Variants in ASCC3 observed in about 807,000 individuals in gnomAD.
ASCC3 encodes the protein activating signal cointegrator 1 complex subunit 3.
In ASCC3, 158 loss-of-function variants were observed where a neutral mutation model predicts 256.3. The ratio of observed to expected loss-of-function variants is 0.62; its 90% CI spans 0.54 to 0.70. The LOEUF (loss-of-function observed/expected upper bound fraction) is 0.70. Among genes scored for constraint, ASCC3 ranks in the 30% least tolerant of loss-of-function variants. ASCC3 has a pLI of 0.00. For missense variants in ASCC3, 2,259 were observed against 2,626.0 expected, an observed-to-expected ratio of 0.86 and a Z score of 3.05; for synonymous variants, 948 against 883.4, an observed-to-expected ratio of 1.07 and a Z score of -1.30.
At position 100,827,732 on chromosome 6, in the gene ASCC3, T is replaced by G. The variant is rs539504570; in HGVS notation, c.801+20416A>C. Among the ~76,000 whole-genome samples the G allele has an allele frequency of 1.1e-4, 16 of 152,282 alleles. No individual in the cohort carries two copies. In the South Asian group the frequency reaches 2.5e-3, roughly 24 times the overall value. On this transcript the variant is annotated intron_variant, in intron 4 of 41. Coordinates refer to ENST00000369162, the MANE Select transcript of ASCC3 (RefSeq NM_006828.4). ...ACAGGATACTACTATATTGTACACT[T>G]TTCATTTTTCCTTTTTATGTTTTCC...
intron 14 of ASCC3, among the ~76,000 whole-genome samples, chr6:100,670,127 T>C (rs1776669638): frequency 6.6e-6 from 1 of 151,900 alleles, no homozygotes; most frequent in African/African-American, 2.4e-5. Context: ...ATTTAAAGAA[T>C]AGGAAATACA....
intron 39 of ASCC3, 148 bp from the exon 40 acceptor site, chr6:100,513,066 A>G: frequency 1.3e-6 from 1 of 759,214 alleles, no homozygotes; most frequent in South Asian, 1.8e-5. Flanking sequence ...AATAATACAG[A>G]GACATTCTGT....
rs574406162 is a variant in ASCC3 at position 100,698,461 on chromosome 6, G to A, written c.2151+17001C>T. Among the ~76,000 whole-genome samples, 800 of 151,212 alleles carry A rather than the reference G, an allele frequency of 5.3e-3. 3 individuals are homozygous for A. Among genetic ancestry groups the A allele is most frequent in the Middle Eastern group, 0.024 (7 of 292 alleles). ...GCTCTAAAATCTAAATTTTTAAAAG[G>A]GCTCCAAATTTACTACTCAAGGGCT... On this transcript the variant is annotated intron_variant, in intron 13 of 41. Coordinates refer to ENST00000369162, the MANE Select transcript of ASCC3 (RefSeq NM_006828.4).
At chr6:100,824,881 G>C (rs890053561) in intron 4 of ASCC3, among the ~76,000 whole-genome samples, 11 of 152,172 alleles carry the variant, frequency 7.2e-5, no homozygotes, top group African/African-American at 2.6e-4. Context: ...GCCTTGAAGG[G>C]TAAAGGATTA....
At chr6:100,824,972 T>A (rs927895001) in intron 4 of ASCC3, among the ~76,000 whole-genome samples, 4 of 152,118 alleles carry the variant, frequency 2.6e-5, no homozygotes, top group African/African-American at 9.7e-5. Context: ...ATTTAATATC[T>A]CAATAGTAAT....
chr6:100,578,077 C>G (rs1770972267), intron 36 of ASCC3, among the ~76,000 whole-genome samples: 1 of 151,884 alleles, frequency 6.6e-6, no homozygotes, highest in Non-Finnish European at 1.5e-5. Context: ...CTGTTGTCTC[C>G]ATTCTTTGGT....
chr6:100,559,955 T>C (rs1472334267), intron 36 of ASCC3, among the ~76,000 whole-genome samples: 1 of 152,130 alleles, frequency 6.6e-6, no homozygotes, highest in East Asian at 1.9e-4. Flanking sequence ...ATAGATCATA[T>C]AATAAGATAT....
intron 4 of ASCC3, among the ~76,000 whole-genome samples, chr6:100,813,635 G>A (rs1770596655): frequency 6.6e-6 from 1 of 151,976 alleles, no homozygotes; most frequent in African/African-American, 2.4e-5. Flanking sequence ...GTTTGTGTGT[G>A]CGTGTATGTG....
chr6:100,808,747 C>T (rs1562311890), intron 4 of ASCC3, among the ~76,000 whole-genome samples: 1 of 151,736 alleles, frequency 6.6e-6, no homozygotes, highest in Non-Finnish European at 1.5e-5. Context: ...CAACACATAT[C>T]CTGAGAAATG....
At chr6:100,749,196 C>T (rs991367462) in intron 10 of ASCC3, among the ~76,000 whole-genome samples, 3 of 151,948 alleles carry the variant, frequency 2.0e-5, no homozygotes, top group Non-Finnish European at 4.4e-5. Flanking sequence ...GAACGAAAAA[C>T]GTTATTCTTA....
rs372129735 is a variant in ASCC3 at position 100,871,540 on chromosome 6, G to C, written c.-41-3502C>G. On this transcript the variant is annotated intron_variant, in intron 1 of 41. Transcript: ENST00000369162. The stretch of plus-strand genomic sequence containing the variant: ...TCCCAGCACTTTGGGGCCAAGCCAG[G>C]TGGACTGCTTGAGGCCAGGAGTTTG... Among the ~76,000 whole-genome samples, 178 of 152,328 alleles carry C rather than the reference G, an allele frequency of 1.2e-3. 1 individual carries two copies. The highest frequency in any genetic ancestry group is 3.4e-3 in the African/African-American group (142 of 41,584).
chr6:100,772,796 A>G (rs1782006694), intron 8 of ASCC3, among the ~76,000 whole-genome samples: 1 of 152,220 alleles, frequency 6.6e-6, no homozygotes, highest in South Asian at 2.1e-4. Context: ...AACTTTTAAG[A>G]AACCTAAGAT....
intron 4 of ASCC3, among the ~76,000 whole-genome samples, chr6:100,831,482 T>C (rs959124332): frequency 1.3e-5 from 2 of 152,182 alleles, no homozygotes. Context: ...GCTAGGCCAG[T>C]AGTTTGGCTC....
At chr6:100,527,793 C>T (rs1774658115) in intron 37 of ASCC3, among the ~76,000 whole-genome samples, 1 of 151,438 alleles carries the variant, frequency 6.6e-6, no homozygotes, top group African/African-American at 2.4e-5. Context: ...TTCTCAGACT[C>T]TACTGTGTGT....
At chr6:100,839,795 G>A (rs1303461799) in intron 4 of ASCC3, among the ~76,000 whole-genome samples, 3 of 152,164 alleles carry the variant, frequency 2.0e-5, no homozygotes, top group African/African-American at 4.8e-5. Context: ...ACAGCTCTTC[G>A]AGTATTATGC....
intron 16 of ASCC3, among the ~76,000 whole-genome samples, chr6:100,656,836 AT>A (rs1010101720): frequency 2.0e-5 from 3 of 149,586 alleles, no homozygotes; most frequent in Admixed American, 6.7e-5. Flanking sequence ...TCATAGTTGT[AT>A]TTTTTTTTCC....
chr6:100,869,485 G>A (rs890708890), intron 1 of ASCC3, among the ~76,000 whole-genome samples: 3 of 151,868 alleles, frequency 2.0e-5, no homozygotes, highest in Non-Finnish European at 4.4e-5. Context: ...AATACAAGTA[G>A]GATGATTTGA....
intron 8 of ASCC3, among the ~76,000 whole-genome samples, chr6:100,775,468 C>T (rs972628516): frequency 2.0e-5 from 3 of 151,958 alleles, no homozygotes; most frequent in Non-Finnish European, 2.9e-5. Flanking sequence ...GTGGCCGAGA[C>T]GGGACCTAAA....
chr6:100,790,818 A>C (rs918066248), intron 8 of ASCC3, among the ~76,000 whole-genome samples: 2 of 151,938 alleles, frequency 1.3e-5, no homozygotes, highest in Non-Finnish European at 2.9e-5. Context: ...TGTTAGTTAT[A>C]ACTTTTTCTG....
Sources: allele counts gnomAD v4.1 joint callset (sites outside exome capture counted in the v4.1 genomes callset), GRCh38; gene constraint gnomAD v4.1.1; transcripts MANE v1.5; gene names NCBI Gene and HGNC (gene_info 2026-07-23, HGNC 2026-07-21).